BCL11B: variants seen among roughly 807,000 people sequenced by gnomAD.
BCL11B encodes B-cell lymphoma/leukemia 11B.
BCL11B carries 8 observed loss-of-function variants against 49.9 expected under a neutral mutation model. That is an observed-to-expected ratio of 0.16 (90% confidence interval 0.09 to 0.29). BCL11B has a LOEUF of 0.29. Among genes scored for constraint, BCL11B ranks in the 10% least tolerant of loss-of-function variants. The probability of loss-of-function intolerance (pLI) is 1.00; values close to 1 mark genes in which losing one functional copy is unlikely to be tolerated. For missense variants in BCL11B, 1,006 were observed against 1,351.0 expected (o/e 0.74, Z 4.00); for synonymous variants, 739 against 637.4 (o/e 1.16, Z -2.40).
intron 1 of BCL11B, chr14:99,264,317 G>A (rs1371307564): frequency 2.0e-5 from 3 of 151,020 alleles, no homozygotes; most frequent in Non-Finnish European, 4.4e-5. Context: ...ATTCTTAGCA[G>A]TGCATCCATT....
At chr14:99,199,639 G>GCT (rs199739814) in intron 3 of BCL11B, among the ~76,000 whole-genome samples, 11,695 of 113,930 alleles carry the variant, frequency 0.1, 681 homozygotes, top group South Asian at 0.22. Context: ...CTGGCTAAAT[G>GCT]CTGTGTGTGT....
At chr14:99,198,027 C>T (rs1887228291) in intron 3 of BCL11B, among the ~76,000 whole-genome samples, 7 of 152,200 alleles carry the variant, frequency 4.6e-5, no homozygotes, top group Admixed American at 4.6e-4. Flanking sequence ...TAGTGTGTAT[C>T]CCCCTGATCC....
chr14:99,174,540 C>A lies in BCL11B; in HGVS notation c.2296G>T (p.Gly766Cys). 6.6e-7 allele frequency: 1 copy of A among 1,512,020 alleles called. No individual in the cohort carries two copies. Among genetic ancestry groups the A allele is most frequent in the Non-Finnish European group, 8.8e-7 (1 of 1,132,426 alleles). The allele number at this position is 1,512,020 out of a possible 1,614,324, so 93.7% of individuals were successfully genotyped here. The change falls in exon 4 of 4, where the codon GGC (glycine) becomes TGC (cysteine). Residue 766 changes from glycine (G) to cysteine (C), a missense_variant. Around this residue, in one of 6 missense-constraint regions of BCL11B, gnomAD observed 443 missense variants for 499.7 expected, o/e 0.89. Coordinates refer to ENST00000357195, the MANE Select transcript of BCL11B (RefSeq NM_138576.4). ...CCTCCGCTGGCCGTGCCGCTGCGGCCCGAGAGGCCGCCGTCCAGCAGGTCC... is the reference window on the plus strand; with the variant it reads ...CCTCCGCTGGCCGTGCCGCTGCGGCACGAGAGGCCGCCGTCCAGCAGGTCC... The part of the protein sequence containing the change: ...PGDLLDGGLS[G>C]RSGTASGGST...
At chr14:99,222,134 AC>A (rs1210040319) in intron 3 of BCL11B, among the ~76,000 whole-genome samples, 4 of 151,888 alleles carry the variant, frequency 2.6e-5, no homozygotes, top group African/African-American at 9.7e-5. Flanking sequence ...CAGCCCCTCC[AC>A]CCCGACCCTG....
intron 2 of BCL11B, among the ~76,000 whole-genome samples, chr14:99,245,027 T>A (rs969514213): frequency 4.6e-5 from 7 of 152,226 alleles, no homozygotes; most frequent in African/African-American, 1.7e-4. Context: ...AAACTTTTAA[T>A]CGGCTACAGG....
chr14:99,179,280 C>T (rs1268687113), intron 3 of BCL11B, among the ~76,000 whole-genome samples: 1 of 152,016 alleles, frequency 6.6e-6, no homozygotes, highest in Admixed American at 6.6e-5. Flanking sequence ...TCAAGACCAG[C>T]CTGGCCAACA....
At chr14:99,265,252 T>A (rs747367306) in intron 1 of BCL11B, among the ~76,000 whole-genome samples, 36 of 152,222 alleles carry the variant, frequency 2.4e-4, no homozygotes, top group Admixed American at 1.6e-3. Context: ...TCAGCCGGTA[T>A]CAATAACTCA....
rs1259559162 is a variant in BCL11B, at chr14:99,248,041, A to G, written c.427+9430T>C. On this transcript the variant is annotated intron_variant, in intron 2 of 3. Transcript: ENST00000357195. The surrounding 1 kb of genome is among the most constrained non-coding windows in gnomAD (Gnocchi z 4.7). ...GTCTGACTTTTCACCTCCAACAAAA[A>G]GGCTATTTTGTTACTATTTTTCCGC... Among the ~76,000 whole-genome samples, 2 of 152,140 alleles carry G rather than the reference A, an allele frequency of 1.3e-5. No individual in the cohort carries two copies. The highest frequency in any genetic ancestry group is 4.8e-5 in the African/African-American group (2 of 41,418).
Position 99,271,338 on chromosome 14 carries a change from A to ACCT in BCL11B, c.-123_-121dup. 2 of 412,920 alleles carry ACCT rather than the reference A, an allele frequency of 4.8e-6. No individual in the cohort carries two copies. The highest frequency in any genetic ancestry group is 7.5e-6 in the Non-Finnish European group (2 of 265,316). 25.6% of individuals were successfully genotyped at this position (412,920 alleles called of 1,614,324 possible). Reference sequence around the variant, plus strand: ...CTGCCGCCGCCGCCGCCGCCGCCGCACCTCCTCCTCTGCCCGGGTTGGTGT... The same window carrying ACCT: ...CTGCCGCCGCCGCCGCCGCCGCCGCACCTCCTCCTCCTCTGCCCGGGTTGGTGT... On this transcript the variant is annotated 5_prime_UTR_variant, in exon 1 of 4. Coordinates refer to ENST00000357195, the MANE Select transcript of BCL11B (RefSeq NM_138576.4).
chr14:99,239,939 C>T (rs548637413), intron 2 of BCL11B, among the ~76,000 whole-genome samples: 1 of 152,226 alleles, frequency 6.6e-6, no homozygotes, highest in East Asian at 1.9e-4. Context: ...ATAAAGAAAA[C>T]GGAGTGCCCA....
intron 2 of BCL11B, among the ~76,000 whole-genome samples, chr14:99,250,325 G>A (rs1326641280): frequency 3.9e-5 from 6 of 151,936 alleles, no homozygotes; most frequent in Non-Finnish European, 8.8e-5. Context: ...GTGAGCCCCC[G>A]TGCCCAGCAG....
chr14:99,226,845 C>T (rs953327843), intron 3 of BCL11B, among the ~76,000 whole-genome samples: 3 of 152,202 alleles, frequency 2.0e-5, no homozygotes, highest in Non-Finnish European at 4.4e-5. Context: ...GTCCCTTTAA[C>T]CCATGCCAAG....
At chr14:99,222,934 T>C (rs1888055528) in intron 3 of BCL11B, among the ~76,000 whole-genome samples, 1 of 152,152 alleles carries the variant, frequency 6.6e-6, no homozygotes. Flanking sequence ...AAACTTTATT[T>C]GATGTAATGT....
At chr14:99,221,725 G>A (rs186633880) in intron 3 of BCL11B, among the ~76,000 whole-genome samples, 136 of 152,366 alleles carry the variant, frequency 8.9e-4, no homozygotes, top group African/African-American at 3.0e-3. Flanking sequence ...AACCAGGAGC[G>A]GTCCTGTCAC....
Position 99,248,392 on chromosome 14 carries a change from C to T in BCL11B, c.427+9079G>A, listed in dbSNP as rs1279937458. Among the ~76,000 whole-genome samples the T allele has an allele frequency of 2.0e-5, 3 of 152,220 alleles. No individual in the cohort carries two copies. Among genetic ancestry groups the T allele is most frequent in the Admixed American group, 6.5e-5 (1 of 15,288 alleles). The stretch of plus-strand genomic sequence containing the variant: ...ACACCCTCCCCTGAGGAGGCTCCCA[C>T]TCCCTGTGTGCCCAGAGGTCACTGG... On this transcript the variant is annotated intron_variant, in intron 2 of 3. Coordinates refer to ENST00000357195, the MANE Select transcript of BCL11B (RefSeq NM_138576.4). This position sits in a 1 kb window ranked among gnomAD's most constrained non-coding sequence, Gnocchi z 4.7.
chr14:99,183,647 G>T (rs887813827), intron 3 of BCL11B, among the ~76,000 whole-genome samples: 1 of 152,046 alleles, frequency 6.6e-6, no homozygotes, highest in Non-Finnish European at 1.5e-5. Flanking sequence ...AGGGCTCGTC[G>T]TGGTAAAATA....
In BCL11B at chr14:99,231,613, G is replaced by C; in HGVS notation, c.428-56C>G. On this transcript the variant is annotated intron_variant, in intron 2 of 3. Coordinates refer to ENST00000357195, the MANE Select transcript of BCL11B (RefSeq NM_138576.4). The surrounding 1 kb of genome is among the most constrained non-coding windows in gnomAD (Gnocchi z 8.1). ...AGTCGGGCCCTGGACTGTGTGAGGG[G>C]CACGGGGTGGGACGGGGCTCGGGGC... 8 of 1,496,070 alleles carry C rather than the reference G, an allele frequency of 5.3e-6. No homozygotes were observed. Among genetic ancestry groups the C allele is most frequent in the Non-Finnish European group, 7.3e-6 (8 of 1,102,494 alleles). The allele number at this position is 1,496,070 out of a possible 1,614,324, so 92.7% of individuals were successfully genotyped here.
In BCL11B at chr14:99,205,087, C is replaced by G. The variant is rs911266478; in HGVS notation, c.640+26258G>C. ...AGGGGATGCCCCTCCAGTTACATTACTTTGAAAGGGAGCATAATATGATCC... is the reference window on the plus strand; with the variant it reads ...AGGGGATGCCCCTCCAGTTACATTAGTTTGAAAGGGAGCATAATATGATCC... On this transcript the variant is annotated intron_variant, in intron 3 of 3. Coordinates refer to ENST00000357195, the MANE Select transcript of BCL11B (RefSeq NM_138576.4). This position sits in a 1 kb window ranked among gnomAD's most constrained non-coding sequence, Gnocchi z 5.0. Among the ~76,000 whole-genome samples the G allele has an allele frequency of 2.6e-5, 4 of 152,068 alleles. No individual in the cohort carries two copies. Among genetic ancestry groups the G allele is most frequent in the African/African-American group, 7.2e-5 (3 of 41,412 alleles).
At chr14:99,245,942 GA>G (rs1174593711) in intron 2 of BCL11B, among the ~76,000 whole-genome samples, 23 of 152,214 alleles carry the variant, frequency 1.5e-4, no homozygotes, top group Non-Finnish European at 2.6e-4. Context: ...GCTGGGGACC[GA>G]CGGGGGCGGG....
Sources: allele counts gnomAD v4.1 joint callset (sites outside exome capture counted in the v4.1 genomes callset), GRCh38; gene constraint gnomAD v4.1.1; regional missense constraint gnomAD v4.1.1; non-coding constraint Gnocchi (gnomAD v3.1); transcripts MANE v1.5; gene names NCBI Gene and HGNC (gene_info 2026-07-23, HGNC 2026-07-21).